The following AP3B2 variants were observed in gnomAD, a reference collection of about 807,000 sequenced individuals.
The protein encoded by AP3B2 is adaptor related protein complex 3 subunit beta 2.
A neutral mutation model predicts 126.9 loss-of-function variants in AP3B2; 50 were observed. The observed-to-expected ratio is 0.39, with a 90% CI of 0.31 to 0.50. The LOEUF (loss-of-function observed/expected upper bound fraction) is 0.50, where lower values mean the gene tolerates loss of function less well. Among genes scored for constraint, AP3B2 ranks in the 20% least tolerant of loss-of-function variants. The probability of loss-of-function intolerance (pLI) is 0.79; values close to 1 mark genes in which losing one functional copy is unlikely to be tolerated. For synonymous variants in AP3B2, 541 were observed against 565.0 expected (o/e 0.96, Z 0.60); for missense variants, 1,177 against 1,426.4 (o/e 0.83, Z 2.82).
At chr15:82,688,253 G>GA in intron 4 of AP3B2, 3 of 593,002 alleles carry the variant, frequency 5.1e-6, no homozygotes, top group Non-Finnish European at 9.0e-6. Flanking sequence ...CCTTAGGGGG[G>GA]AGACTTATAC....
intron 1 of AP3B2, among the ~76,000 whole-genome samples, chr15:82,705,822 C>G (rs1484950753): frequency 6.6e-6 from 1 of 152,172 alleles, no homozygotes; most frequent in East Asian, 1.9e-4. Context: ...CTTTGGATAC[C>G]TAGTTTTACC....
rs780050095 is a variant in AP3B2 at position 82,709,591 on chromosome 15, C to T, written c.113+3G>A. 2.7e-6 allele frequency: 4 copies of T among 1,497,472 alleles called. No individual in the cohort carries two copies. Among genetic ancestry groups the T allele is most frequent in the South Asian group, 2.5e-5 (2 of 79,834 alleles). The allele number at this position is 1,497,472 out of a possible 1,614,324, so 92.8% of individuals were successfully genotyped here. ...CCGCGAGCTTCCTGGCGGGCTCCCT[C>T]ACCGCTTGTAGTCGGAGGAGAAGAT... On this transcript the variant is annotated splice_donor_region_variant and intron_variant, in intron 1 of 26. Transcript: ENST00000535359.
intron 14 of AP3B2, among the ~76,000 whole-genome samples, chr15:82,667,643 AGCAGCCATCACTTATCAAGT>A (rs1328725424): frequency 6.6e-6 from 1 of 152,244 alleles, no homozygotes; most frequent in East Asian, 1.9e-4. Flanking sequence ...CAACAGCGGT[AGCAGCCATCACTTATCAAGT>A]GCCTTCTGGC....
rs2048465822 is a variant in AP3B2, at chr15:82,688,318, G to A, written c.360+418C>T. 6.1e-6 allele frequency: 4 copies of A among 651,208 alleles called. No homozygotes were observed. The South Asian group carries it at 6.7e-5, about 11-fold the overall frequency. The allele number at this position is 651,208 out of a possible 1,614,324, so 40.3% of individuals were successfully genotyped here. On this transcript the variant is annotated intron_variant, in intron 4 of 26. Coordinates refer to ENST00000535359, the MANE Select transcript of AP3B2 (RefSeq NM_001278512.2). ...AGGCCTTGGGCAAAATGAAACAAAA[G>A]GTGAGAATGGTGTGGGGGATTCAGG...
At chr15:82,674,959 T>G (rs2048219794) in intron 14 of AP3B2, among the ~76,000 whole-genome samples, 1 of 152,208 alleles carries the variant, frequency 6.6e-6, no homozygotes, top group South Asian at 2.1e-4. Flanking sequence ...ATCCTGGGGT[T>G]TAGGACTCTG....
intron 14 of AP3B2, among the ~76,000 whole-genome samples, chr15:82,672,811 C>A (rs1027839229): frequency 6.6e-6 from 1 of 152,200 alleles, no homozygotes; most frequent in Non-Finnish European, 1.5e-5. Flanking sequence ...GACTTTCTCC[C>A]TTGTGGCTTT....
At position 82,664,270 on chromosome 15, in the gene AP3B2, CAG is replaced by C; in HGVS notation, c.2261+95_2261+96del. 2 of 1,583,578 alleles carry C rather than the reference CAG, an allele frequency of 1.3e-6. No homozygotes were observed. Among genetic ancestry groups the C allele is most frequent in the Non-Finnish European group, 1.7e-6 (2 of 1,165,162 alleles). ...AGCCCCACCCAGCTCACGAGGGGCT[CAG>C]GGGCTCTTAGGAGACTGGCTAAAGC... is the stretch of plus-strand genomic sequence containing the variant. On this transcript the variant is annotated intron_variant, in intron 19 of 26. Coordinates refer to ENST00000535359, the MANE Select transcript of AP3B2 (RefSeq NM_001278512.2). The surrounding 1 kb of genome is among the most constrained non-coding windows in gnomAD (Gnocchi z 4.5).
chr15:82,679,813 A>C lies in AP3B2; in HGVS notation c.1111-13T>G. On this transcript the variant is annotated splice_polypyrimidine_tract_variant and intron_variant, in intron 9 of 26. Transcript: ENST00000535359. ...GCTCAAACATACCCTGGCACAAGAG[A>C]GGCAGCTAGGGAGCTCCACCGAAGC... 6.2e-7 allele frequency: 1 copy of C among 1,613,192 alleles called. No individual in the cohort carries two copies. Among genetic ancestry groups the C allele is most frequent in the Non-Finnish European group, 8.5e-7 (1 of 1,179,284 alleles).
At chr15:82,693,510 G>A (rs1448872216) in intron 1 of AP3B2, among the ~76,000 whole-genome samples, 1 of 151,872 alleles carries the variant, frequency 6.6e-6, no homozygotes, top group East Asian at 1.9e-4. Flanking sequence ...TCCTCCCAAA[G>A]CGCTGAGATT....
In AP3B2 at chr15:82,678,097, G is replaced by T. The variant is rs772298851; in HGVS notation, c.1245+8C>A. The T allele has an allele frequency of 1.4e-5, 22 of 1,613,516 alleles. No individual in the cohort carries two copies. In the East Asian group the frequency reaches 4.9e-4, roughly 36 times the overall value. ...CCCAGGCCCTTCTGGCTGGGAGCTG[G>T]CCTGTACCTGGAATTCCCGTAGGAC... On this transcript the variant is annotated splice_region_variant and intron_variant, in intron 11 of 26. Transcript: ENST00000535359.
At chr15:82,692,863 AATACACAGGTTTCTT>A in intron 1 of AP3B2, 1 of 152,290 alleles carries the variant, frequency 6.6e-6, no homozygotes, top group Admixed American at 6.5e-5. Context: ...ATGCTGAGCC[AATACACAGGTTTCTT>A]TTTTTTTTTA....
At chr15:82,706,108 C>T (rs996606551) in intron 1 of AP3B2, among the ~76,000 whole-genome samples, 39 of 152,218 alleles carry the variant, frequency 2.6e-4, no homozygotes, top group Non-Finnish European at 5.3e-4. Context: ...CTCATGTCTG[C>T]GTGCAGCGGC....
chr15:82,669,876 C>T (rs1412670922), intron 14 of AP3B2, among the ~76,000 whole-genome samples: 1 of 149,574 alleles, frequency 6.7e-6, no homozygotes, highest in African/African-American at 2.5e-5. Context: ...TGGTGCATGC[C>T]TGTAATCCCA....
Position 82,681,669 on chromosome 15 carries a change from C to G in AP3B2, c.361-89G>C. ...CACCTTTGGAAGTCACTGTCCCCAGCGACCACTAGCTCTTGCTTCCCTGCC... is the reference window on the plus strand; with the variant it reads ...CACCTTTGGAAGTCACTGTCCCCAGGGACCACTAGCTCTTGCTTCCCTGCC... On this transcript the variant is annotated intron_variant, in intron 4 of 26. Coordinates refer to ENST00000535359, the MANE Select transcript of AP3B2 (RefSeq NM_001278512.2). This position sits in a 1 kb window ranked among gnomAD's most constrained non-coding sequence, Gnocchi z 4.0. 1 of 1,389,462 alleles carries G rather than the reference C, an allele frequency of 7.2e-7. No individual in the cohort carries two copies. The highest frequency in any genetic ancestry group is 9.8e-7 in the Non-Finnish European group (1 of 1,021,314). 86.1% of individuals were successfully genotyped at this position (1,389,462 alleles called of 1,614,324 possible).
chr15:82,683,061 T>TTTTTTTG (rs1349889583), intron 4 of AP3B2, among the ~76,000 whole-genome samples: 1 of 136,818 alleles, frequency 7.3e-6, no homozygotes, highest in Non-Finnish European at 1.6e-5. Context: ...TTTTTTTTTT[T>TTTTTTTG]TTTTTTTTTT....
In AP3B2 at chr15:82,680,263, C is replaced by G. The variant is rs1187311312; in HGVS notation, c.1056-34G>C. 6.2e-7 allele frequency: 1 copy of G among 1,613,186 alleles called. No individual in the cohort carries two copies. Among genetic ancestry groups the G allele is most frequent in the Non-Finnish European group, 8.5e-7 (1 of 1,179,730 alleles). On this transcript the variant is annotated intron_variant, in intron 8 of 26. Transcript: ENST00000535359. The surrounding 1 kb of genome is among the most constrained non-coding windows in gnomAD (Gnocchi z 6.1). ...AGGACGGGTCAGAGCACCCCGGGCC[C>G]CTCGGTTGGGGCAAGGGTCAGCGGA... is the stretch of plus-strand genomic sequence containing the variant.
intron 4 of AP3B2, 97 bp downstream of exon 4, chr15:82,688,639 G>A (rs1455837295): frequency 8.5e-7 from 1 of 1,176,598 alleles, no homozygotes; most frequent in Non-Finnish European, 1.2e-6. Flanking sequence ...GGGGTCTGCA[G>A]AGCCCGCTCC....
At chr15:82,692,225 G>T (rs1210660976) in intron 1 of AP3B2, 2 of 1,161,740 alleles carry the variant, frequency 1.7e-6, no homozygotes, top group Non-Finnish European at 2.5e-6. Flanking sequence ...CCAAGGCGAA[G>T]GGCACAAGGC....
intron 23 of AP3B2, 197 bp from the exon 24 acceptor site, chr15:82,662,449 C>T (rs2047968164): frequency 1.5e-6 from 1 of 647,762 alleles, no homozygotes; most frequent in Non-Finnish European, 2.7e-6. Flanking sequence ...CTCACCCTCA[C>T]CACATTTAAG....
Sources: allele counts gnomAD v4.1 joint callset (sites outside exome capture counted in the v4.1 genomes callset), GRCh38; gene constraint gnomAD v4.1.1; non-coding constraint Gnocchi (gnomAD v3.1); transcripts MANE v1.5; gene names NCBI Gene and HGNC (gene_info 2026-07-23, HGNC 2026-07-21).